DDX11: variants seen among roughly 807,000 people sequenced by gnomAD.
DDX11 encodes the protein ATP-dependent DNA helicase DDX11.
Under a neutral mutation model 125.2 loss-of-function variants are expected in DDX11, and 72 were observed. The observed-to-expected ratio is 0.58, with a 90% CI of 0.48 to 0.70. DDX11 has a LOEUF of 0.70. Among genes scored for constraint, DDX11 ranks in the 30% least tolerant of loss-of-function variants. The probability of loss-of-function intolerance (pLI) is 0.00; values close to 1 mark genes in which losing one functional copy is unlikely to be tolerated. For missense variants in DDX11, 883 were observed against 1,165.0 expected (o/e 0.76, Z 3.52); for synonymous variants, 347 against 452.6 (o/e 0.77, Z 2.96).
At position 31,078,217 on chromosome 12, in the gene DDX11, G is replaced by T. The variant is rs1013387447; in HGVS notation, c.-4-173G>T. ...TAGATGGAGTGCGTGATTCTGGTAT[G>T]GCCTCACGTGGACCTGCTGCGAAGG... On this transcript the variant is annotated intron_variant, in intron 1 of 26. Coordinates refer to ENST00000542838, the MANE Select transcript of DDX11 (RefSeq NM_030653.4). 1.9e-6 allele frequency: 3 copies of T among 1,539,448 alleles called. No homozygotes were observed. The African/African-American group carries it at 4.1e-5, about 21-fold the overall frequency.
At chr12:31,090,234 G>A in intron 9 of DDX11, 140 bp downstream of exon 9, 1 of 860,996 alleles carries the variant, frequency 1.2e-6, no homozygotes, top group Non-Finnish European at 1.9e-6. Flanking sequence ...ATTCTCTCCT[G>A]ATGTGTGAGT....
At chr12:31,102,078 G>T in intron 21 of DDX11, 96 bp downstream of exon 21, 2 of 1,505,290 alleles carry the variant, frequency 1.3e-6, no homozygotes, top group Non-Finnish European at 1.8e-6. Context: ...CAGGCTTCTG[G>T]CTCCTCATCC....
chr12:31,102,888 C>G (rs763137273), intron 23 of DDX11, 48 bp from the exon 24 acceptor site: 6 of 1,577,110 alleles, frequency 3.8e-6, no homozygotes, highest in Non-Finnish European at 5.2e-6. Flanking sequence ...GGTGATGACC[C>G]GGGAGGTCCT....
chr12:31,088,448 C>G (rs1943563458), intron 6 of DDX11, among the ~76,000 whole-genome samples: 1 of 152,164 alleles, frequency 6.6e-6, no homozygotes, highest in Non-Finnish European at 1.5e-5. Flanking sequence ...CCCTTTGGGT[C>G]TCTCATGGTG....
intron 1 of DDX11, among the ~76,000 whole-genome samples, chr12:31,076,212 G>T (rs1940693672): frequency 6.6e-6 from 1 of 152,174 alleles, no homozygotes; most frequent in Non-Finnish European, 1.5e-5. Context: ...TCCAGGGGCT[G>T]ATGAGGCCAC....
Position 31,091,859 on chromosome 12 carries a change from C to G in DDX11, c.1230C>G (p.Val410=). The G allele has an allele frequency of 6.2e-7, 1 of 1,613,652 alleles. No individual in the cohort carries two copies. Among genetic ancestry groups the G allele is most frequent in the Non-Finnish European group, 8.5e-7 (1 of 1,179,838 alleles). The change falls in exon 10 of 27, where the codon GTC becomes GTG. Residue 410 remains valine (V), a synonymous_variant. Transcript: ENST00000542838. Reference sequence around the variant, plus strand: ...TCACGGGCATGCACAGCGTGGAGGTCAGCGGCTCCCAGGTGTGTGGGCCTC... The same window carrying G: ...TCACGGGCATGCACAGCGTGGAGGTGAGCGGCTCCCAGGTGTGTGGGCCTC... ...DTITGMHSVE[V]SGSQLCQAHS...
chr12:31,078,662 A>C (rs1384686269), intron 2 of DDX11, 125 bp downstream of exon 2: 14 of 1,341,138 alleles, frequency 1.0e-5, no homozygotes, highest in Non-Finnish European at 1.1e-5. Flanking sequence ...TGTTTATCTG[A>C]GTAATAGTCA....
intron 6 of DDX11, among the ~76,000 whole-genome samples, chr12:31,088,719 G>A (rs117861762): frequency 0.015 from 2,343 of 152,272 alleles, 31 homozygotes; most frequent in Middle Eastern, 0.034. Context: ...CTCCCCAAGT[G>A]GGGACCCTTT....
At chr12:31,089,749 A>G (rs1469814409) in intron 8 of DDX11, 137 bp from the exon 9 acceptor site, 1 of 1,473,820 alleles carries the variant, frequency 6.8e-7, no homozygotes, top group Admixed American at 2.0e-5. Flanking sequence ...CGATGAGACC[A>G]CAGTAGGCAG....
At position 31,094,509 on chromosome 12, in the gene DDX11, C is replaced by G. The variant is rs189891933; in HGVS notation, c.1370-81C>G. The G allele has an allele frequency of 3.1e-3, 4,699 of 1,506,366 alleles. 16 individuals carry two copies. Among genetic ancestry groups the G allele is most frequent in the Middle Eastern group, 6.1e-3 (26 of 4,280 alleles). The allele number at this position is 1,506,366 out of a possible 1,614,324, so 93.3% of individuals were successfully genotyped here. On this transcript the variant is annotated intron_variant, in intron 12 of 26. Coordinates refer to ENST00000542838, the MANE Select transcript of DDX11 (RefSeq NM_030653.4). ...ACAGATGCTCTTCTTACTTGATGTG[C>G]AGTGTGGAGGGAGAGAAGATAGGGA...
intron 2 of DDX11, among the ~76,000 whole-genome samples, chr12:31,082,501 C>A: frequency 2.6e-5 from 4 of 152,150 alleles, no homozygotes. Context: ...CTGCGCCGCG[C>A]TGCTGCCCCA....
At position 31,094,873 on chromosome 12, in the gene DDX11, C is replaced by A. The variant is rs548408664; in HGVS notation, c.1482+51C>A. ...CCACATCCAATTTCCTTCCTGTCAC[C>A]ACCTGTGGGTAAAGTACTATGTTAA... On this transcript the variant is annotated intron_variant, in intron 14 of 26. Coordinates refer to ENST00000542838, the MANE Select transcript of DDX11 (RefSeq NM_030653.4). The A allele has an allele frequency of 2.9e-4, 469 of 1,589,910 alleles. 1 individual carries two copies. In the South Asian group the frequency reaches 4.9e-3, roughly 17 times the overall value.
intron 14 of DDX11, among the ~76,000 whole-genome samples, chr12:31,095,818 C>T (rs1186478147): frequency 6.6e-6 from 1 of 152,150 alleles, no homozygotes; most frequent in African/African-American, 2.4e-5. Flanking sequence ...TCTCATCACT[C>T]ACCATTGAGG....
chr12:31,103,711 G>A lies in DDX11; in HGVS notation c.2671G>A (p.Ala891Thr), dbSNP rs146470803. Residue 891 changes from alanine to threonine, a missense_variant, in exon 26 of 27, where the codon GCC becomes ACC. Physicochemically the swap from Ala to Thr is moderately conservative, Grantham distance 58 (BLOSUM62 0). Coordinates refer to ENST00000542838, the MANE Select transcript of DDX11 (RefSeq NM_030653.4). ...GGAGGTCAAAGCTACCTTTGGCCCC[G>A]CCATTGCTGCTGTGCAGAAGGTCAG... Reference protein sequence around the residue: ...RVEVKATFGPAIAAVQKFHRE... With the variant: ...RVEVKATFGPTIAAVQKFHRE... The A allele has an allele frequency of 9.9e-6, 16 of 1,613,704 alleles. No homozygotes were observed. The highest frequency in any genetic ancestry group is 2.2e-5 in the South Asian group (2 of 91,052).
intron 1 of DDX11, chr12:31,074,455 A>G (rs1200513459): frequency 1.3e-5 from 2 of 152,244 alleles, no homozygotes; most frequent in Non-Finnish European, 2.9e-5. Context: ...AGTTAGCTGC[A>G]TGAGTCTAGC....
At chr12:31,076,876 A>G (rs575232944) in intron 1 of DDX11, 3 of 152,490 alleles carry the variant, frequency 2.0e-5, no homozygotes, top group Non-Finnish European at 4.4e-5. Context: ...AGAATGTCTA[A>G]CAAAACAGCC....
intron 25 of DDX11, 36 bp from the exon 26 acceptor site, chr12:31,103,541 G>A (rs2141060448): frequency 1.2e-6 from 2 of 1,613,760 alleles, no homozygotes; most frequent in Non-Finnish European, 1.7e-6. Flanking sequence ...GGGGAGGCAG[G>A]TGTTGCTCGG....
rs1180004055 is a variant in DDX11 at position 31,084,139 on chromosome 12, C to T, written c.393+78C>T. The stretch of plus-strand genomic sequence containing the variant: ...CGATTGTTCTGGGGCGATTCCGAGA[C>T]TCAGGCAGTGCATGCTCCCCTGCCG... On this transcript the variant is annotated intron_variant, in intron 3 of 26. Coordinates refer to ENST00000542838, the MANE Select transcript of DDX11 (RefSeq NM_030653.4). 3.8e-6 allele frequency: 6 copies of T among 1,576,192 alleles called. No homozygotes were observed. The African/African-American group carries it at 8.1e-5, about 21-fold the overall frequency.
At chr12:31,084,755 G>A (rs778562118) in intron 4 of DDX11, 86 bp downstream of exon 4, 2 of 1,351,146 alleles carry the variant, frequency 1.5e-6, no homozygotes, top group African/African-American at 2.9e-5. Context: ...CAGGGCCTTG[G>A]TCTCCCCTCC....
Sources: allele counts gnomAD v4.1 joint callset (sites outside exome capture counted in the v4.1 genomes callset), GRCh38; gene constraint gnomAD v4.1.1; transcripts MANE v1.5; gene names NCBI Gene and HGNC (gene_info 2026-07-23, HGNC 2026-07-21).